Variants in ENOSF1 observed in about 807,000 individuals in gnomAD.
ENOSF1 encodes the protein enolase superfamily member 1.
Under a neutral mutation model 68.2 loss-of-function variants are expected in ENOSF1, and 73 were observed. The ratio of observed to expected loss-of-function variants is 1.07; its 90% CI spans 0.89 to 1.30. The LOEUF (loss-of-function observed/expected upper bound fraction) is 1.30, where lower values mean the gene tolerates loss of function less well. ENOSF1 is among the 50% of genes most tolerant of loss of function. The pLI is 0.00. For missense variants in ENOSF1, 589 were observed against 554.5 expected, an observed-to-expected ratio of 1.06 and a Z score of -0.62; for synonymous variants, 223 against 210.4, an observed-to-expected ratio of 1.06 and a Z score of -0.52.
chr18:676,128 T>G (rs1462179074), intron 14 of ENOSF1, among the ~76,000 whole-genome samples: 3 of 152,348 alleles, frequency 2.0e-5, no homozygotes, highest in African/African-American at 4.8e-5. Context: ...GGATTTAGAA[T>G]CAGGTCAATC....
At position 691,262 on chromosome 18, in the gene ENOSF1, C is replaced by T. The variant is rs1015341246; in HGVS notation, c.438G>A (p.Leu146=). The change falls in exon 6 of 16, where the codon CTG becomes CTA. Residue 146 remains leucine (L), a synonymous_variant. Transcript: ENST00000647584. ...KLLVDMDPRM[L]VSCIDFRYIT... ...TGTACCTGAAATCTATGCAGGATAC[C>T]AGCATCCTGGGATCCTGGCAACGTG... 8 of 1,613,932 alleles carry T rather than the reference C, an allele frequency of 5.0e-6. No homozygotes were observed. In the Admixed American group the frequency reaches 1.2e-4, roughly 24 times the overall value.
At chr18:666,899 ATGGAGATGGT>A (rs1567989278), downstream of ENOSF1, among the ~76,000 whole-genome samples, 63 of 56,418 alleles carry the variant, frequency 1.1e-3, 7 homozygotes, top group African/African-American at 3.9e-3. Context: ...GGAGATGGTG[ATGGAGATGGT>A]GATGGTGATG....
chr18:666,541 G>A (rs1054081322), downstream of ENOSF1, among the ~76,000 whole-genome samples: 2 of 152,164 alleles, frequency 1.3e-5, no homozygotes, highest in African/African-American at 4.8e-5. Flanking sequence ...TGGAATGTGG[G>A]GTTTGTGTGT....
At chr18:710,968 A>C (rs1057022034) in intron 1 of ENOSF1, among the ~76,000 whole-genome samples, 1 of 152,194 alleles carries the variant, frequency 6.6e-6, no homozygotes, top group African/African-American at 2.4e-5. Flanking sequence ...GGAAACATGA[A>C]GATTTTAAAG....
At chr18:692,771 T>C (rs988219997) in intron 5 of ENOSF1, 2 of 1,000,392 alleles carry the variant, frequency 2.0e-6, no homozygotes, top group South Asian at 8.7e-5. Context: ...AACGCCAACC[T>C]TGAATCTAGA....
intron 15 of ENOSF1, among the ~76,000 whole-genome samples, chr18:674,822 GAATT>G (rs2075313426): frequency 6.6e-6 from 1 of 152,198 alleles, no homozygotes; most frequent in African/African-American, 2.4e-5. Context: ...GCCCAGCCCT[GAATT>G]AATATTTTTA....
At chr18:696,638 T>C (rs1229448225) in intron 3 of ENOSF1, among the ~76,000 whole-genome samples, 1 of 152,164 alleles carries the variant, frequency 6.6e-6, no homozygotes, top group East Asian at 1.9e-4. Context: ...AGAGAAGAGA[T>C]AGCTCTTAGG....
downstream of ENOSF1, among the ~76,000 whole-genome samples, chr18:667,422 GGT>G (rs1475299311): frequency 6.8e-4 from 3 of 4,440 alleles, no homozygotes; most frequent in Non-Finnish European, 1.0e-3. Context: ...TGATGGTGAT[GGT>G]GATGGAGATG....
At chr18:666,753 T>C (rs1455483549), downstream of ENOSF1, among the ~76,000 whole-genome samples, 1 of 152,266 alleles carries the variant, frequency 6.6e-6, no homozygotes, top group Admixed American at 6.5e-5. Flanking sequence ...TTAAAAATGC[T>C]GTGTGGACCT....
Position 685,919 on chromosome 18 carries a change from A to C in ENOSF1, c.741+2T>G. On this transcript the variant is annotated splice_donor_variant, in intron 10 of 15. Transcript: ENST00000647584. LOFTEE classifies it high-confidence loss of function. ...TTCTTAGTGGTGTGAGAGGATATTT[A>C]CCAAAGTCTTTTCCGGTCCAATCAT... The C allele has an allele frequency of 6.2e-7, 1 of 1,612,354 alleles. No homozygotes were observed. Among genetic ancestry groups the C allele is most frequent in the Non-Finnish European group, 8.5e-7 (1 of 1,178,414 alleles).
At chr18:702,362 C>T (rs1360409751) in intron 2 of ENOSF1, among the ~76,000 whole-genome samples, 2 of 150,676 alleles carry the variant, frequency 1.3e-5, no homozygotes, top group Non-Finnish European at 2.9e-5. Context: ...CACCTGAGGT[C>T]AGGAGTTTGA....
chr18:705,162 C>T (rs1261218967), intron 2 of ENOSF1, among the ~76,000 whole-genome samples: 2 of 152,150 alleles, frequency 1.3e-5, no homozygotes, highest in African/African-American at 4.8e-5. Flanking sequence ...TTTTCTACAA[C>T]TACTGAGAGC....
In ENOSF1 at chr18:691,101, G is replaced by GT; in HGVS notation, c.501dup (p.Leu168ThrfsTer8). ...TTTTTACCAATTTGACCTTTCTGCA[G>GT]TATTTCTGGAAGAAATAAAAAGCAT... On this transcript the variant is annotated frameshift_variant, in exon 7 of 16. Transcript: ENST00000647584. LOFTEE classifies it high-confidence loss of function. The GT allele has an allele frequency of 6.2e-7, 1 of 1,614,194 alleles. No individual in the cohort carries two copies. The highest frequency in any genetic ancestry group is 1.3e-5 in the African/African-American group (1 of 75,070).
At chr18:667,475 T>C (rs867379260), downstream of ENOSF1, among the ~76,000 whole-genome samples, 1 of 13,612 alleles carries the variant, frequency 7.3e-5, no homozygotes, top group African/African-American at 6.0e-4. Context: ...ATGGTGATGG[T>C]GATGGTGATG....
At chr18:706,446 A>C in intron 2 of ENOSF1, 24 bp downstream of exon 2, 1 of 1,453,388 alleles carries the variant, frequency 6.9e-7, no homozygotes, top group Non-Finnish European at 9.7e-7. Context: ...GCATTCTGGA[A>C]CCTCGAGAGA....
At chr18:706,859 C>G (rs1197533438) in intron 1 of ENOSF1, 2 of 149,782 alleles carry the variant, frequency 1.3e-5, no homozygotes, top group African/African-American at 5.0e-5. Flanking sequence ...TGCTCTGTCA[C>G]CTAGGCAGGA....
chr18:692,791 A>C (rs970796401), intron 5 of ENOSF1: 51 of 1,012,588 alleles, frequency 5.0e-5, no homozygotes, highest in Non-Finnish European at 6.0e-5. Flanking sequence ...AAGGGGGCTC[A>C]AGAGCTCTGT....
intron 4 of ENOSF1, 40 bp from the exon 5 acceptor site, chr18:693,948 A>G (rs775794060): frequency 1.2e-6 from 2 of 1,609,472 alleles, no homozygotes; most frequent in Admixed American, 1.7e-5. Flanking sequence ...ACATATGTGT[A>G]AAGTCCCCAT....
intron 10 of ENOSF1, among the ~76,000 whole-genome samples, chr18:684,108 C>T (rs1230295624): frequency 6.6e-6 from 1 of 152,030 alleles, no homozygotes; most frequent in African/African-American, 2.4e-5. Flanking sequence ...ATTCTCCTGC[C>T]TCAGCCTCCC....
Sources: allele counts gnomAD v4.1 joint callset (sites outside exome capture counted in the v4.1 genomes callset), GRCh38; gene constraint gnomAD v4.1.1; transcripts MANE v1.5; gene names NCBI Gene and HGNC (gene_info 2026-07-23, HGNC 2026-07-21).